Variants in TTC28 observed in about 807,000 individuals in gnomAD.
TTC28 encodes the protein tetratricopeptide repeat protein 28.
A neutral mutation model predicts 198.0 loss-of-function variants in TTC28; 61 were observed. The observed-to-expected ratio is 0.31, with a 90% CI of 0.25 to 0.38. The LOEUF is 0.38. Among genes scored for constraint, TTC28 ranks in the 10% least tolerant of loss-of-function variants. The probability of loss-of-function intolerance (pLI) is 1.00; values close to 1 mark genes in which losing one functional copy is unlikely to be tolerated. For missense variants in TTC28, 2,678 were observed against 3,164.0 expected (o/e 0.85, Z 3.69); for synonymous variants, 1,171 against 1,297.8 (o/e 0.90, Z 2.10).
At chr22:28,454,397 C>A (rs1386043008) in intron 2 of TTC28, among the ~76,000 whole-genome samples, 3 of 152,068 alleles carry the variant, frequency 2.0e-5, no homozygotes. Flanking sequence ...ATAGAATTTC[C>A]TTTTGCAATA....
At chr22:28,324,111 C>T (rs1025466596) in intron 2 of TTC28, among the ~76,000 whole-genome samples, 6 of 152,002 alleles carry the variant, frequency 3.9e-5, no homozygotes, top group Non-Finnish European at 8.8e-5. Flanking sequence ...AAAAGAAATG[C>T]TAAGGGAGTT....
chr22:28,492,709 G>A (rs1388811957), intron 2 of TTC28, among the ~76,000 whole-genome samples: 1 of 152,126 alleles, frequency 6.6e-6, no homozygotes, highest in Non-Finnish European at 1.5e-5. Flanking sequence ...TCTAAAAAAT[G>A]ATGAGGAGAT....
At chr22:28,157,671 G>A (rs1943779358) in intron 6 of TTC28, among the ~76,000 whole-genome samples, 1 of 151,972 alleles carries the variant, frequency 6.6e-6, no homozygotes, top group Admixed American at 6.6e-5. Context: ...ACAGAATGAA[G>A]GCCATTTCAA....
chr22:28,083,966 G>A (rs1941462734), intron 12 of TTC28, among the ~76,000 whole-genome samples: 1 of 152,264 alleles, frequency 6.6e-6, no homozygotes, highest in Admixed American at 6.5e-5. Context: ...GCTGTGGGAG[G>A]GGCGCCTGCC....
At chr22:28,675,116 A>C (rs1448724392) in intron 1 of TTC28, among the ~76,000 whole-genome samples, 2 of 152,176 alleles carry the variant, frequency 1.3e-5, no homozygotes, top group Non-Finnish European at 2.9e-5. Flanking sequence ...CTCAAAAAAG[A>C]TGTGAAGACC....
At chr22:28,654,957 T>A (rs1383936343) in intron 1 of TTC28, among the ~76,000 whole-genome samples, 1 of 152,234 alleles carries the variant, frequency 6.6e-6, no homozygotes, top group Non-Finnish European at 1.5e-5. Context: ...CTATATTCAT[T>A]AATGAATACT....
chr22:28,090,974 C>A (rs903443850), intron 12 of TTC28, among the ~76,000 whole-genome samples: 3 of 152,160 alleles, frequency 2.0e-5, no homozygotes, highest in African/African-American at 7.2e-5. Flanking sequence ...AAGATCTAGG[C>A]TACTGAGGGC....
rs570695934 is a variant in TTC28 at position 28,245,600 on chromosome 22, A to G, written c.933+50598T>C. Among the ~76,000 whole-genome samples the G allele has an allele frequency of 4.6e-5, 7 of 152,352 alleles. No homozygotes were observed. In the South Asian group the frequency reaches 1.5e-3, roughly 32 times the overall value. On this transcript the variant is annotated intron_variant, in intron 5 of 22. Coordinates refer to ENST00000397906, the MANE Select transcript of TTC28 (RefSeq NM_001145418.2). ...CTGCAAACTTATGAGCTATAATTAC[A>G]ATGTTCTTAGCCAAAGTACCCTATG...
At chr22:28,003,747 C>T (rs1181152149) in intron 14 of TTC28, among the ~76,000 whole-genome samples, 1 of 152,242 alleles carries the variant, frequency 6.6e-6, no homozygotes, top group Non-Finnish European at 1.5e-5. Context: ...ACTCTGCTAA[C>T]TCTGCCCACG....
chr22:28,432,014 A>G (rs1014688211), intron 2 of TTC28, among the ~76,000 whole-genome samples: 1 of 151,790 alleles, frequency 6.6e-6, no homozygotes, highest in South Asian at 2.1e-4. Flanking sequence ...GGCCAGGCGC[A>G]GTGGCTCATG....
At chr22:28,599,567 T>C (rs928458888) in intron 2 of TTC28, among the ~76,000 whole-genome samples, 1 of 152,044 alleles carries the variant, frequency 6.6e-6, no homozygotes, top group Non-Finnish European at 1.5e-5. Flanking sequence ...GGTGGGAGGA[T>C]CCCTTGAGGC....
intron 12 of TTC28, among the ~76,000 whole-genome samples, chr22:28,087,584 C>T (rs1422243791): frequency 6.6e-6 from 1 of 152,122 alleles, no homozygotes; most frequent in Non-Finnish European, 1.5e-5. Context: ...TGGAAGCATT[C>T]CCTTTGAAAA....
At chr22:28,460,660 TAGATAGAC>T (rs1235076099) in intron 2 of TTC28, among the ~76,000 whole-genome samples, 94 of 94,408 alleles carry the variant, frequency 1.0e-3, no homozygotes, top group South Asian at 5.1e-3. Context: ...GATAGATAGA[TAGATAGAC>T]AGACAGACAG....
chr22:28,305,497 G>C (rs1158156630), intron 3 of TTC28, among the ~76,000 whole-genome samples: 1 of 152,062 alleles, frequency 6.6e-6, no homozygotes, highest in South Asian at 2.1e-4. Context: ...CACATACTTT[G>C]AGCCAAGTAT....
intron 2 of TTC28, among the ~76,000 whole-genome samples, chr22:28,546,512 T>C (rs2049546393): frequency 6.6e-6 from 1 of 152,194 alleles, no homozygotes; most frequent in Non-Finnish European, 1.5e-5. Flanking sequence ...ATCAAGTAAC[T>C]GAAACTCTAT....
chr22:28,235,005 G>A (rs1929125300), intron 5 of TTC28, among the ~76,000 whole-genome samples: 5 of 152,162 alleles, frequency 3.3e-5, no homozygotes, highest in Non-Finnish European at 7.3e-5. Flanking sequence ...GCAGAATTAC[G>A]AGGTTGAGTC....
chr22:28,270,215 G>A (rs543536573), intron 5 of TTC28, among the ~76,000 whole-genome samples: 32 of 152,094 alleles, frequency 2.1e-4, no homozygotes, highest in African/African-American at 6.5e-4. Flanking sequence ...AATTCAAAGG[G>A]GGAAAAAACA....
chr22:28,120,726 C>G (rs1942761788), intron 6 of TTC28, among the ~76,000 whole-genome samples: 1 of 152,202 alleles, frequency 6.6e-6, no homozygotes, highest in Non-Finnish European at 1.5e-5. Flanking sequence ...GTCAATAGAG[C>G]AGCCCTTTAA....
chr22:28,423,025 T>C (rs926064364), intron 2 of TTC28, among the ~76,000 whole-genome samples: 1 of 152,162 alleles, frequency 6.6e-6, no homozygotes, highest in Non-Finnish European at 1.5e-5. Context: ...ATACCATGTA[T>C]CTGTCATGTA....
Sources: gnomAD v4.1 joint callset for allele counts (sites outside exome capture counted in the v4.1 genomes callset) on GRCh38, gnomAD v4.1.1 for gene constraint, MANE v1.5 for transcripts, NCBI Gene and HGNC (gene_info 2026-07-23, HGNC 2026-07-21) for gene names.